Variants in RBM6 observed in about 807,000 individuals in gnomAD.
RBM6 encodes RNA-binding protein 6.
A neutral mutation model predicts 140.4 loss-of-function variants in RBM6; 23 were observed. That is an observed-to-expected ratio of 0.16 (90% CI 0.12 to 0.23). RBM6 has a LOEUF of 0.23. RBM6 is among the 10% of genes least tolerant of loss of function. The probability of loss-of-function intolerance (pLI) is 1.00; values close to 1 mark genes in which losing one functional copy is unlikely to be tolerated. For synonymous variants in RBM6, 439 were observed against 475.6 expected (o/e 0.92, Z 1.00); for missense variants, 1,139 against 1,386.7 (o/e 0.82, Z 2.84).
chr3:50,029,717 A>T (rs1424814368), intron 6 of RBM6, among the ~76,000 whole-genome samples: 1 of 152,166 alleles, frequency 6.6e-6, no homozygotes, highest in African/African-American at 2.4e-5. Flanking sequence ...AGGGCGACAG[A>T]GCGAGACTCT....
chr3:49,969,842 C>T (rs1308874736), intron 3 of RBM6, among the ~76,000 whole-genome samples: 7 of 151,906 alleles, frequency 4.6e-5, no homozygotes, highest in African/African-American at 1.7e-4. Context: ...GATCTCAGCT[C>T]ACTGCAACCT....
At chr3:50,026,755 A>T (rs2087850007) in intron 6 of RBM6, among the ~76,000 whole-genome samples, 1 of 152,024 alleles carries the variant, frequency 6.6e-6, no homozygotes, top group Non-Finnish European at 1.5e-5. Flanking sequence ...CTACCAAAAA[A>T]TACAAAAATT....
At chr3:50,028,306 T>G (rs765593367) in intron 6 of RBM6, among the ~76,000 whole-genome samples, 1 of 152,166 alleles carries the variant, frequency 6.6e-6, no homozygotes, top group East Asian at 1.9e-4. Context: ...TTAAGAAGTA[T>G]AGGGTAGTGG....
chr3:50,075,344 C>T lies in RBM6; in HGVS notation c.3246+14C>T. On this transcript the variant is annotated intron_variant, in intron 20 of 20. Transcript: ENST00000266022. ...TCATCAGAGGAGGTAAAATGGTTTC[C>T]ATCTTTTGGGGGGTGACATGAACCT... is the stretch of plus-strand genomic sequence containing the variant. The T allele has an allele frequency of 6.2e-7, 1 of 1,605,494 alleles. No individual in the cohort carries two copies. The highest frequency in any genetic ancestry group is 8.5e-7 in the Non-Finnish European group (1 of 1,174,896).
chr3:50,039,927 T>A (rs2108851589), intron 6 of RBM6, among the ~76,000 whole-genome samples: 1 of 152,282 alleles, frequency 6.6e-6, no homozygotes, highest in Admixed American at 6.5e-5. Context: ...TAATGGAACC[T>A]TAGAATAGGA....
chr3:49,962,198 A>G (rs994035167), intron 1 of RBM6, among the ~76,000 whole-genome samples: 2 of 150,540 alleles, frequency 1.3e-5, no homozygotes, highest in Non-Finnish European at 2.9e-5. Flanking sequence ...TCACGCCTGT[A>G]ATCTCACACT....
chr3:50,057,951 C>G lies in RBM6; in HGVS notation c.1917C>G (p.Asp639Glu). 1 of 1,614,084 alleles carries G rather than the reference C, an allele frequency of 6.2e-7. No homozygotes were observed. The highest frequency in any genetic ancestry group is 1.1e-5 in the South Asian group (1 of 91,078). ...GGGAAGGGCCAACTTTCCGAAGAGA[C>G]CGAGAGAGGGAGTCATGGTCTGGAG... is the stretch of plus-strand genomic sequence containing the variant. ...SRREGPTFRR[D>E]RERESWSGET... Residue 639 changes from aspartate (D) to glutamate (E), a missense_variant, in exon 9 of 21, where the codon GAC (aspartate) becomes GAG (glutamate). Coordinates refer to ENST00000266022, the MANE Select transcript of RBM6 (RefSeq NM_005777.3).
intron 5 of RBM6, among the ~76,000 whole-genome samples, chr3:49,988,812 A>G (rs2085683607): frequency 6.6e-6 from 1 of 152,076 alleles, no homozygotes. Context: ...TCTGCCAAAA[A>G]TAAGCTGGGT....
intron 18 of RBM6, among the ~76,000 whole-genome samples, chr3:50,070,168 A>G (rs2108947667): frequency 6.6e-6 from 1 of 152,244 alleles, no homozygotes; most frequent in South Asian, 2.1e-4. Context: ...TAGCCTGACT[A>G]ACATAGTGAA....
In RBM6 at chr3:50,026,901, C is replaced by CAAAAAA. The variant is rs139771207; in HGVS notation, c.1558-21327_1558-21322dup. Among the ~76,000 whole-genome samples, 13 of 119,572 alleles carry CAAAAAA rather than the reference C, an allele frequency of 1.1e-4. 1 individual carries two copies. The highest frequency in any genetic ancestry group is 1.0e-3 in the East Asian group (5 of 4,812). The allele number at this position is 119,572 out of a possible 152,430, so 78.4% of individuals were successfully genotyped here. ...GTGACAGAGTGAGACCTTGTCTCAC[C>CAAAAAA]AAAAAAAAAAAAAAAAAAAAAATAG... On this transcript the variant is annotated intron_variant, in intron 6 of 20. Transcript: ENST00000266022.
chr3:49,993,292 T>C (rs1440856641), intron 5 of RBM6, among the ~76,000 whole-genome samples: 1 of 152,234 alleles, frequency 6.6e-6, no homozygotes, highest in African/African-American at 2.4e-5. Flanking sequence ...AACAAATTTT[T>C]TTCTTTAAAT....
intron 5 of RBM6, among the ~76,000 whole-genome samples, chr3:49,982,096 A>T (rs2085329226): frequency 6.6e-6 from 1 of 152,226 alleles, no homozygotes; most frequent in Non-Finnish European, 1.5e-5. Context: ...GTCAGTGTTC[A>T]TGTGGTGAAT....
At position 50,031,161 on chromosome 3, in the gene RBM6, G is replaced by A. The variant is rs536241410; in HGVS notation, c.1558-17084G>A. Among the ~76,000 whole-genome samples, 4 of 152,288 alleles carry A rather than the reference G, an allele frequency of 2.6e-5. No individual in the cohort carries two copies. In the East Asian group the frequency reaches 7.7e-4, roughly 29 times the overall value. On this transcript the variant is annotated intron_variant, in intron 6 of 20. Coordinates refer to ENST00000266022, the MANE Select transcript of RBM6 (RefSeq NM_005777.3). ...ACTGTAAACTAGTTCAGCCATTGTGGAAGACAGTGTGGCGATTCCTCAAGG... is the reference window on the plus strand; with the variant it reads ...ACTGTAAACTAGTTCAGCCATTGTGAAAGACAGTGTGGCGATTCCTCAAGG...
At chr3:50,007,253 G>A (rs1363077840) in intron 6 of RBM6, among the ~76,000 whole-genome samples, 1 of 149,564 alleles carries the variant, frequency 6.7e-6, no homozygotes, top group African/African-American at 2.5e-5. Context: ...CTGGAGTGCA[G>A]TGGTGCGATC....
At chr3:50,044,378 C>A (rs1012653878) in intron 6 of RBM6, among the ~76,000 whole-genome samples, 2 of 151,924 alleles carry the variant, frequency 1.3e-5, no homozygotes, top group African/African-American at 4.8e-5. Flanking sequence ...AATCCCAGCA[C>A]TTTGGGAGGC....
At chr3:50,072,220 C>T (rs2090326231) in intron 19 of RBM6, among the ~76,000 whole-genome samples, 1 of 151,162 alleles carries the variant, frequency 6.6e-6, no homozygotes, top group Non-Finnish European at 1.5e-5. Flanking sequence ...CCAGCCTGGC[C>T]AACATGGTGA....
chr3:49,963,810 T>G (rs1239939798), intron 2 of RBM6, among the ~76,000 whole-genome samples: 1 of 152,238 alleles, frequency 6.6e-6, no homozygotes, highest in African/African-American at 2.4e-5. Flanking sequence ...TTGGTTTTAC[T>G]TGGTACATAG....
chr3:49,980,031 C>T (rs959353365), intron 5 of RBM6, among the ~76,000 whole-genome samples: 2 of 151,358 alleles, frequency 1.3e-5, no homozygotes, highest in African/African-American at 4.9e-5. Flanking sequence ...AACGGAGTCT[C>T]GTTTGGTCAC....
At chr3:49,965,594 C>T (rs536873375) in intron 2 of RBM6, among the ~76,000 whole-genome samples, 5 of 151,794 alleles carry the variant, frequency 3.3e-5, no homozygotes, top group South Asian at 2.1e-4. Context: ...GGCGTGAACC[C>T]GGGAGGCGGA....
Sources: allele counts gnomAD v4.1 joint callset (sites outside exome capture counted in the v4.1 genomes callset), GRCh38; gene constraint gnomAD v4.1.1; transcripts MANE v1.5; gene names NCBI Gene and HGNC (gene_info 2026-07-23, HGNC 2026-07-21).